The following SLC8A1 variants were observed in gnomAD, a reference collection of about 807,000 sequenced individuals.
SLC8A1 encodes the protein solute carrier family 8 member A1, also known as sodium/calcium exchanger 1.
A neutral mutation model predicts 68.3 loss-of-function variants in SLC8A1; 18 were observed. The observed-to-expected ratio is 0.26, with a 90% CI of 0.18 to 0.39. The LOEUF is 0.39. Among genes scored for constraint, SLC8A1 ranks in the 10% least tolerant of loss-of-function variants. The pLI is 1.00. For synonymous variants in SLC8A1, 475 were observed against 415.5 expected, an observed-to-expected ratio of 1.14 and a Z score of -1.74; for missense variants, 985 against 1,156.7, an observed-to-expected ratio of 0.85 and a Z score of 2.15.
chr2:40,256,558 T>G (rs2063953315), intron 2 of SLC8A1, among the ~76,000 whole-genome samples: 1 of 152,244 alleles, frequency 6.6e-6, no homozygotes, highest in African/African-American at 2.4e-5. Flanking sequence ...TCTTGTTTCC[T>G]CTGTCTTAAA....
At chr2:40,389,200 G>A (rs913677574) in intron 2 of SLC8A1, among the ~76,000 whole-genome samples, 1 of 151,960 alleles carries the variant, frequency 6.6e-6, no homozygotes, top group African/African-American at 2.4e-5. Context: ...TAACAGAGAG[G>A]CTATACGGAC....
intron 2 of SLC8A1, among the ~76,000 whole-genome samples, chr2:40,425,128 A>G (rs905826342): frequency 6.6e-6 from 1 of 151,848 alleles, no homozygotes; most frequent in Non-Finnish European, 1.5e-5. Context: ...GATTGAGTTT[A>G]TAAAAAAGCA....
In SLC8A1 at chr2:40,358,333, G is replaced by A. The variant is rs1575668771; in HGVS notation, c.1808+70140C>T. On this transcript the variant is annotated intron_variant, in intron 2 of 7. Coordinates refer to ENST00000406785, the Ensembl canonical transcript of SLC8A1. ...TATGTTTAAATATGTTCTAAAAAAT[G>A]TCCTTGTAGAAACATCTGCAGCCCA... 2.7e-5 allele frequency among the ~76,000 whole-genome samples: 4 copies of A among 150,528 alleles called. No individual in the cohort carries two copies. In the South Asian group the frequency reaches 8.4e-4, roughly 31 times the overall value.
At chr2:40,489,927 C>G (rs1355976693) in intron 1 of SLC8A1, among the ~76,000 whole-genome samples, 1 of 152,034 alleles carries the variant, frequency 6.6e-6, no homozygotes, top group Admixed American at 6.6e-5. Context: ...ATTTTACAAC[C>G]TGATATGAAG....
At chr2:40,375,632 A>ACC in intron 2 of SLC8A1, among the ~76,000 whole-genome samples, 1 of 152,086 alleles carries the variant, frequency 6.6e-6, no homozygotes. Context: ...CTCCTAAAAG[A>ACC]TATTAAGGAT....
intron 2 of SLC8A1, chr2:40,178,439 G>A (rs748046656): frequency 1.2e-6 from 2 of 1,613,874 alleles, no homozygotes; most frequent in Non-Finnish European, 1.7e-6. Context: ...CAAGGAAGAA[G>A]GTCTTGTTTT....
At chr2:40,403,438 C>G (rs1283123040) in intron 2 of SLC8A1, among the ~76,000 whole-genome samples, 7 of 152,200 alleles carry the variant, frequency 4.6e-5, no homozygotes, top group Admixed American at 4.6e-4. Context: ...CACCCTCTTT[C>G]TACACAACAG....
chr2:40,175,699 C>T (rs2048351193), intron 3 of SLC8A1, among the ~76,000 whole-genome samples: 1 of 151,978 alleles, frequency 6.6e-6, no homozygotes, highest in African/African-American at 2.4e-5. Context: ...CGGATTTGGT[C>T]AATCCAACAT....
chr2:40,273,882 CCA>C (rs2066364630), intron 2 of SLC8A1, among the ~76,000 whole-genome samples: 4 of 136,654 alleles, frequency 2.9e-5, no homozygotes, highest in Admixed American at 1.4e-4. Context: ...TTTTTTTTTT[CCA>C]TTTTAGTTGA....
intron 2 of SLC8A1, among the ~76,000 whole-genome samples, chr2:40,300,419 G>T (rs2071235494): frequency 6.6e-6 from 1 of 151,926 alleles, no homozygotes; most frequent in Non-Finnish European, 1.5e-5. Flanking sequence ...AAGTTCGAGT[G>T]TTTAAAATCC....
chr2:40,402,212 T>C (rs1007789000), intron 2 of SLC8A1, among the ~76,000 whole-genome samples: 3 of 152,196 alleles, frequency 2.0e-5, no homozygotes, highest in Non-Finnish European at 4.4e-5. Flanking sequence ...CTAATTATAA[T>C]GTATTGGCAT....
chr2:40,374,300 C>T (rs1049215724), intron 2 of SLC8A1, among the ~76,000 whole-genome samples: 1 of 151,698 alleles, frequency 6.6e-6, no homozygotes, highest in Non-Finnish European at 1.5e-5. Context: ...TTCCTTGAGC[C>T]CAGGAGTTCC....
At chr2:40,116,210 C>G (rs909396070) in intron 7 of SLC8A1, among the ~76,000 whole-genome samples, 2 of 152,136 alleles carry the variant, frequency 1.3e-5, no homozygotes, top group South Asian at 4.1e-4. Context: ...GAATTGAAAA[C>G]AATTGAACTA....
chr2:40,145,698 C>G (rs1389292247), intron 6 of SLC8A1, among the ~76,000 whole-genome samples: 1 of 152,106 alleles, frequency 6.6e-6, no homozygotes, highest in Admixed American at 6.6e-5. Flanking sequence ...AATGGTGATT[C>G]AATTGATACA....
At chr2:40,212,168 G>C (rs1362570484) in intron 2 of SLC8A1, among the ~76,000 whole-genome samples, 1 of 150,254 alleles carries the variant, frequency 6.7e-6, no homozygotes, top group Non-Finnish European at 1.5e-5. Flanking sequence ...GAGAGAGACA[G>C]AGAAAGAGAC....
chr2:40,330,870 T>C (rs1002722557), intron 2 of SLC8A1, among the ~76,000 whole-genome samples: 3 of 152,224 alleles, frequency 2.0e-5, no homozygotes, highest in African/African-American at 4.8e-5. Context: ...ATTTGCTAAA[T>C]ATAACTTGCT....
Position 40,309,785 on chromosome 2 carries a change from T to G in SLC8A1, c.1808+118688A>C, listed in dbSNP as rs1160592882. Among the ~76,000 whole-genome samples, 4 of 152,200 alleles carry G rather than the reference T, an allele frequency of 2.6e-5. No homozygotes were observed. In the South Asian group the frequency reaches 6.2e-4, roughly 24 times the overall value. Reference sequence around the variant, plus strand: ...TCCCAAAGTGCTGGGATTACAGGCGTGAGCTATCGTTCCCATCCTAACCAT... The same window carrying G: ...TCCCAAAGTGCTGGGATTACAGGCGGGAGCTATCGTTCCCATCCTAACCAT... On this transcript the variant is annotated intron_variant, in intron 2 of 7. Coordinates refer to ENST00000406785, the Ensembl canonical transcript of SLC8A1.
chr2:40,125,472 A>G (rs1299630016), intron 7 of SLC8A1, among the ~76,000 whole-genome samples: 1 of 152,126 alleles, frequency 6.6e-6, no homozygotes, highest in African/African-American at 2.4e-5. Flanking sequence ...TTGTGTCTTC[A>G]TTTTCCCCCA....
At position 40,384,700 on chromosome 2, in the gene SLC8A1, A is replaced by C. The variant is rs1382677758; in HGVS notation, c.1808+43773T>G. Reference sequence around the variant, plus strand: ...ATGTATCAGGGAGGTTTTGTTAAAAAATTTCAAGGACTGGATGAAAGCCTT... The same window carrying C: ...ATGTATCAGGGAGGTTTTGTTAAAACATTTCAAGGACTGGATGAAAGCCTT... On this transcript the variant is annotated intron_variant, in intron 2 of 7. Coordinates refer to ENST00000406785, the Ensembl canonical transcript of SLC8A1. Among the ~76,000 whole-genome samples the C allele has an allele frequency of 4.8e-4, 73 of 152,140 alleles. 2 individuals carry two copies. Among genetic ancestry groups the C allele is most frequent in the Admixed American group, 4.8e-3 (73 of 15,270 alleles).
Sources: allele counts gnomAD v4.1 joint callset (sites outside exome capture counted in the v4.1 genomes callset), GRCh38; gene constraint gnomAD v4.1.1; transcripts MANE v1.5; gene names NCBI Gene and HGNC (gene_info 2026-07-23, HGNC 2026-07-21).